Variants in SPIDR observed in about 807,000 individuals in gnomAD.
The protein encoded by SPIDR is DNA repair-scaffolding protein.
Under a neutral mutation model 104.6 loss-of-function variants are expected in SPIDR, and 93 were observed. That is an observed-to-expected ratio of 0.89 (90% CI 0.75 to 1.06). The LOEUF (loss-of-function observed/expected upper bound fraction) is 1.06. Ranked by LOEUF, SPIDR falls within the 50% of genes least tolerant of loss-of-function variation. The pLI is 0.00. For missense variants in SPIDR, 1,154 were observed against 1,111.2 expected, an observed-to-expected ratio of 1.04 and a Z score of -0.55; for synonymous variants, 431 against 416.9, an observed-to-expected ratio of 1.03 and a Z score of -0.41.
intron 5 of SPIDR, among the ~76,000 whole-genome samples, chr8:47,297,585 C>T (rs1349936254): frequency 1.3e-5 from 2 of 152,104 alleles, no homozygotes; most frequent in African/African-American, 4.8e-5. Flanking sequence ...TCAGGTATAT[C>T]TCCTAATGCT....
chr8:47,735,105 TGTGTGG>T (rs1425857903), intron 19 of SPIDR, among the ~76,000 whole-genome samples, 196 bp from the exon 20 acceptor site: 14 of 127,374 alleles, frequency 1.1e-4, no homozygotes, highest in Non-Finnish European at 1.3e-4. Flanking sequence ...GGTGTGTGTG[TGTGTGG>T]GTGTGTGTGT....
chr8:47,605,791 A>G (rs1219707665), intron 10 of SPIDR, among the ~76,000 whole-genome samples: 1 of 152,102 alleles, frequency 6.6e-6, no homozygotes, highest in Non-Finnish European at 1.5e-5. Flanking sequence ...AAAGCAGCTC[A>G]CTCACTCTTT....
At chr8:47,456,835 A>G (rs1749842547) in intron 8 of SPIDR, among the ~76,000 whole-genome samples, 1 of 152,120 alleles carries the variant, frequency 6.6e-6, no homozygotes, top group Non-Finnish European at 1.5e-5. Flanking sequence ...GCTCCCACTT[A>G]TGAGTGAGAA....
intron 5 of SPIDR, among the ~76,000 whole-genome samples, chr8:47,340,056 G>A (rs1587295237): frequency 1.3e-5 from 2 of 152,098 alleles, no homozygotes; most frequent in African/African-American, 4.8e-5. Flanking sequence ...TATTATAGAT[G>A]TAGTATAATT....
chr8:47,599,055 T>C lies in SPIDR; in HGVS notation c.1403T>C (p.Val468Ala). ...CCCCTGAGGGATTCTCTCCTGGATG[T>C]GGTGGAAAGCCAGGGAGCTGCCTCG... ...STPLRDSLLD[V>A]VESQGAASWP... is the part of the protein sequence containing the mutation. The change falls in exon 10 of 20, where the codon GTG (valine) becomes GCG (alanine). Residue 468 changes from valine (V) to alanine (A), a missense_variant. Transcript: ENST00000297423. The C allele has an allele frequency of 6.8e-6, 11 of 1,613,012 alleles. No homozygotes were observed. The highest frequency in any genetic ancestry group is 9.3e-6 in the Non-Finnish European group (11 of 1,179,502).
At chr8:47,682,462 G>T (rs1156931703) in intron 11 of SPIDR, among the ~76,000 whole-genome samples, 4 of 152,054 alleles carry the variant, frequency 2.6e-5, no homozygotes, top group African/African-American at 9.7e-5. Flanking sequence ...GGTAGTGTGT[G>T]CACAACATTC....
chr8:47,346,559 T>C (rs1373582768), intron 5 of SPIDR, among the ~76,000 whole-genome samples: 2 of 152,218 alleles, frequency 1.3e-5, no homozygotes, highest in African/African-American at 4.8e-5. Flanking sequence ...CTCCTCTTTG[T>C]ACCTCTGGTA....
chr8:47,633,507 T>A (rs1168005473), intron 10 of SPIDR, among the ~76,000 whole-genome samples: 1 of 146,864 alleles, frequency 6.8e-6, no homozygotes, highest in Admixed American at 6.9e-5. Context: ...TATAAGAGGA[T>A]ATGGAAAGAT....
In SPIDR at chr8:47,562,203, A is replaced by G. The variant is rs530358358; in HGVS notation, c.1098-33608A>G. Among the ~76,000 whole-genome samples, 216 of 152,330 alleles carry G rather than the reference A, an allele frequency of 1.4e-3. 7 individuals are homozygous for G. The South Asian group carries it at 0.044, about 31-fold the overall frequency. ...GGCATTATATAATGTAGATTTCCCC[A>G]TTCCTTGGATGGTATTTGTGACCAT... On this transcript the variant is annotated intron_variant, in intron 8 of 19. Transcript: ENST00000297423.
chr8:47,316,716 G>C (rs2045423617), intron 5 of SPIDR, among the ~76,000 whole-genome samples: 1 of 152,168 alleles, frequency 6.6e-6, no homozygotes, highest in South Asian at 2.1e-4. Context: ...ATTGCGAAAA[G>C]TCTTAGAGGA....
In SPIDR at chr8:47,596,754, G is replaced by A. The variant is rs539217565; in HGVS notation, c.1293+748G>A. Among the ~76,000 whole-genome samples the A allele has an allele frequency of 9.2e-5, 14 of 151,748 alleles. No homozygotes were observed. The South Asian group carries it at 2.9e-3, about 32-fold the overall frequency. Reference sequence around the variant, plus strand: ...TCATTAACTTTTTTACTCTTTTATAGCAACACTTAGCTTACAACACAAATA... The same window carrying A: ...TCATTAACTTTTTTACTCTTTTATAACAACACTTAGCTTACAACACAAATA... On this transcript the variant is annotated intron_variant, in intron 9 of 19. Coordinates refer to ENST00000297423, the MANE Select transcript of SPIDR (RefSeq NM_001080394.4).
At chr8:47,669,513 G>T (rs192309120) in intron 10 of SPIDR, among the ~76,000 whole-genome samples, 4 of 152,164 alleles carry the variant, frequency 2.6e-5, no homozygotes, top group Non-Finnish European at 5.9e-5. Context: ...GTGATAACTC[G>T]TCTCTAGGGC....
intron 7 of SPIDR, among the ~76,000 whole-genome samples, chr8:47,433,774 C>CA (rs1213922597): frequency 1.2e-4 from 19 of 152,326 alleles, no homozygotes; most frequent in Non-Finnish European, 2.5e-4. Flanking sequence ...CTCTTGGAGT[C>CA]AGACTATGGC....
chr8:47,511,128 G>A, intron 8 of SPIDR: 6 of 1,525,354 alleles, frequency 3.9e-6, no homozygotes, highest in Non-Finnish European at 5.5e-6. Context: ...AAGTAGTCAT[G>A]AGGATAAAGC....
rs148303165 is a variant in SPIDR at position 47,515,412 on chromosome 8, A to AT, written c.1097+74871dup. Among the ~76,000 whole-genome samples the AT allele has an allele frequency of 2.3e-3, 343 of 152,296 alleles. 2 individuals are homozygous for AT. Among genetic ancestry groups the AT allele is most frequent in the African/African-American group, 8.1e-3 (335 of 41,564 alleles). ...TAATTCTGTCTTGAGAATCAACTGA[A>AT]TACTGTTATGTGGTTGTCCTGAGCT... On this transcript the variant is annotated intron_variant, in intron 8 of 19. Coordinates refer to ENST00000297423, the MANE Select transcript of SPIDR (RefSeq NM_001080394.4).
rs377088049 is a variant in SPIDR at position 47,726,743 on chromosome 8, T to G, written c.2342-457T>G. 6.8e-3 allele frequency among the ~76,000 whole-genome samples: 1,034 copies of G among 152,240 alleles called. 11 individuals are homozygous for G. The highest frequency in any genetic ancestry group is 0.022 in the African/African-American group (932 of 41,536). ...TTCACCATTTATTTCATCTTTTTTT[T>G]GGGGAGTGGGGACAGGGTCTTGCCC... On this transcript the variant is annotated intron_variant, in intron 16 of 19. Coordinates refer to ENST00000297423, the MANE Select transcript of SPIDR (RefSeq NM_001080394.4).
At chr8:47,658,864 A>G (rs2073477917) in intron 10 of SPIDR, among the ~76,000 whole-genome samples, 1 of 148,038 alleles carries the variant, frequency 6.8e-6, no homozygotes, top group Non-Finnish European at 1.5e-5. Context: ...TGGACCGGCG[A>G]GGTGGAGATT....
At chr8:47,338,875 G>T (rs535336387) in intron 5 of SPIDR, among the ~76,000 whole-genome samples, 19 of 152,134 alleles carry the variant, frequency 1.2e-4, no homozygotes, top group Middle Eastern at 3.4e-3. Context: ...CAGCTGTTGT[G>T]GGGGGGTCAG....
Position 47,339,969 on chromosome 8 carries a change from G to A in SPIDR, c.525+45939G>A, listed in dbSNP as rs547536798. ...GCTGGGATTACAGGCGTGAGCCACC[G>A]CGCCTGGACTGTTTACATTCTTCTA... On this transcript the variant is annotated intron_variant, in intron 5 of 19. Coordinates refer to ENST00000297423, the MANE Select transcript of SPIDR (RefSeq NM_001080394.4). 4.0e-5 allele frequency among the ~76,000 whole-genome samples: 6 copies of A among 151,660 alleles called. No homozygotes were observed. The South Asian group carries it at 6.3e-4, about 16-fold the overall frequency.
Sources: allele counts gnomAD v4.1 joint callset (sites outside exome capture counted in the v4.1 genomes callset), GRCh38; gene constraint gnomAD v4.1.1; transcripts MANE v1.5; gene names NCBI Gene and HGNC (gene_info 2026-07-23, HGNC 2026-07-21).